The following CHN2 variants were observed in gnomAD, a reference collection of about 807,000 sequenced individuals.
CHN2 encodes the protein beta-chimaerin.
In CHN2, 35 loss-of-function variants were observed where a neutral mutation model predicts 56.3. That is an observed-to-expected ratio of 0.62 (90% CI 0.47 to 0.82). The LOEUF (loss-of-function observed/expected upper bound fraction) is 0.82, where lower values mean the gene tolerates loss of function less well. Among genes scored for constraint, CHN2 ranks in the 40% least tolerant of loss-of-function variants. The pLI is 0.00. For synonymous variants in CHN2, 210 were observed against 212.8 expected (o/e 0.99, Z 0.12); for missense variants, 491 against 580.5 (o/e 0.85, Z 1.58).
At chr7:29,313,860 G>A (rs113206739) in intron 1 of CHN2, among the ~76,000 whole-genome samples, 1,826 of 152,208 alleles carry the variant, frequency 0.012, 44 homozygotes, top group African/African-American at 0.039. Context: ...AATTGTACAC[G>A]ATGCAAGAGC....
chr7:29,190,550 A>C (rs1000068472), upstream of CHN2, among the ~76,000 whole-genome samples: 9 of 152,182 alleles, frequency 5.9e-5, no homozygotes, highest in African/African-American at 1.4e-4. Context: ...CATAAGAGCT[A>C]CCCTGCAAAC....
At chr7:29,170,919 T>A (rs1483353481) in intron 2 of CHN2, among the ~76,000 whole-genome samples, 2 of 152,116 alleles carry the variant, frequency 1.3e-5, no homozygotes, top group Admixed American at 1.3e-4. Flanking sequence ...ACTTACTCAC[T>A]ATCACAAGAA....
chr7:29,403,451 T>C (rs138340803), intron 6 of CHN2, among the ~76,000 whole-genome samples: 50 of 152,286 alleles, frequency 3.3e-4, no homozygotes, highest in African/African-American at 1.2e-3. Context: ...GGTACTTAAA[T>C]TTCGTTTTCT....
intron 2 of CHN2, among the ~76,000 whole-genome samples, chr7:29,173,341 T>A (rs1346931539): frequency 2.0e-5 from 3 of 152,012 alleles, no homozygotes; most frequent in African/African-American, 7.2e-5. Context: ...TCTGCAGCCA[T>A]ATAATTTATC....
chr7:29,483,655 TTATC>T (rs1454192619), intron 7 of CHN2, among the ~76,000 whole-genome samples: 1 of 152,220 alleles, frequency 6.6e-6, no homozygotes, highest in African/African-American at 2.4e-5. Flanking sequence ...GCATCTCTGT[TTATC>T]TAGTTGATTT....
chr7:29,314,413 G>A (rs544426008), intron 1 of CHN2, among the ~76,000 whole-genome samples: 2 of 152,264 alleles, frequency 1.3e-5, no homozygotes, highest in South Asian at 4.1e-4. Flanking sequence ...TTGTTTAATT[G>A]GCCTTGTTGC....
rs114982099 is a variant in CHN2 at position 29,486,664 on chromosome 7, G to A, written c.654+6308G>A. On this transcript the variant is annotated intron_variant, in intron 7 of 12. Transcript: ENST00000222792. ...ACTCTTATATGTCCCCCACTCTGCT[G>A]ACAGACTGAGGATGCACCAGGAGCA... 4.1e-3 allele frequency among the ~76,000 whole-genome samples: 631 copies of A among 152,218 alleles called. 3 individuals carry two copies. Among genetic ancestry groups the A allele is most frequent in the African/African-American group, 0.015 (605 of 41,542 alleles).
At chr7:29,323,013 G>A (rs1795480763) in intron 1 of CHN2, among the ~76,000 whole-genome samples, 1 of 152,156 alleles carries the variant, frequency 6.6e-6, no homozygotes, top group African/African-American at 2.4e-5. Context: ...AATTAGCTGG[G>A]TGTGATGGCA....
At chr7:29,412,397 T>C (rs569395407) in intron 6 of CHN2, among the ~76,000 whole-genome samples, 3 of 134,174 alleles carry the variant, frequency 2.2e-5, no homozygotes, top group East Asian at 2.6e-4. Flanking sequence ...AGTGGTGCCA[T>C]CTTGGCTGAC....
intron 6 of CHN2, among the ~76,000 whole-genome samples, chr7:29,408,474 C>A (rs779403520): frequency 6.6e-6 from 1 of 152,038 alleles, no homozygotes; most frequent in Non-Finnish European, 1.5e-5. Flanking sequence ...TAAATTAGAC[C>A]CTAGCCTTCT....
At chr7:29,502,664 T>A (rs990850520) in intron 9 of CHN2, among the ~76,000 whole-genome samples, 2 of 152,188 alleles carry the variant, frequency 1.3e-5, no homozygotes, top group African/African-American at 2.4e-5. Flanking sequence ...CAGTGAAGCA[T>A]GGGCTAAAGT....
chr7:29,314,536 T>A (rs978412199), intron 1 of CHN2, among the ~76,000 whole-genome samples: 2 of 152,186 alleles, frequency 1.3e-5, no homozygotes, highest in African/African-American at 4.8e-5. Flanking sequence ...ATGTGTGCAT[T>A]TTGTCACAAT....
intron 1 of CHN2, among the ~76,000 whole-genome samples, chr7:29,287,781 C>T (rs951071138): frequency 6.6e-6 from 1 of 152,140 alleles, no homozygotes; most frequent in Non-Finnish European, 1.5e-5. Flanking sequence ...TTTTGTCTTC[C>T]TTAATGACCC....
chr7:29,514,310 TAAATTCTTCTGTCTATTATTCTGG>T (rs1278502812), exon 13 of CHN2: 1 of 152,654 alleles, frequency 6.6e-6, no homozygotes, highest in Non-Finnish European at 1.5e-5. Flanking sequence ...TCACATGTAT[TAAATTCTTCTGTCTATTATTCTGG>T]AGTATGTGCA....
chr7:29,315,241 T>A (rs1175395743), intron 1 of CHN2, among the ~76,000 whole-genome samples: 1 of 152,192 alleles, frequency 6.6e-6, no homozygotes, highest in Non-Finnish European at 1.5e-5. Flanking sequence ...GATGGTTATA[T>A]GTGAGAGGAA....
intron 1 of CHN2, among the ~76,000 whole-genome samples, chr7:29,251,498 C>G (rs1182410658): frequency 1.3e-5 from 2 of 151,980 alleles, no homozygotes; most frequent in Non-Finnish European, 2.9e-5. Flanking sequence ...AATAAAATAC[C>G]TGCCTTCTAA....
At chr7:29,451,998 C>G (rs1784441754) in intron 6 of CHN2, among the ~76,000 whole-genome samples, 2 of 152,340 alleles carry the variant, frequency 1.3e-5, no homozygotes, top group South Asian at 4.1e-4. Context: ...TGGAGGACAG[C>G]AGGGTCCTTA....
chr7:29,162,390 G>T (rs1033938430), intron 2 of CHN2, among the ~76,000 whole-genome samples: 1 of 152,150 alleles, frequency 6.6e-6, no homozygotes, highest in Admixed American at 6.5e-5. Flanking sequence ...GGCCAGGCGT[G>T]GTGGCTCACA....
chr7:29,234,550 GA>G (rs1787032350), intron 1 of CHN2, among the ~76,000 whole-genome samples: 1 of 152,170 alleles, frequency 6.6e-6, no homozygotes, highest in Non-Finnish European at 1.5e-5. Flanking sequence ...GTGAGCATAG[GA>G]ACTTTCTGGA....
Sources: gnomAD v4.1 joint callset for allele counts (sites outside exome capture counted in the v4.1 genomes callset) on GRCh38, gnomAD v4.1.1 for gene constraint, MANE v1.5 for transcripts, NCBI Gene and HGNC (gene_info 2026-07-23, HGNC 2026-07-21) for gene names.